ATRNL1: variants seen among roughly 807,000 people sequenced by gnomAD.
ATRNL1 encodes the protein attractin like 1, also known as attractin-like protein 1.
ATRNL1 carries 95 observed loss-of-function variants against 182.7 expected under a neutral mutation model. The ratio of observed to expected loss-of-function variants is 0.52; its 90% CI spans 0.44 to 0.62. ATRNL1 has a LOEUF of 0.62. Among genes scored for constraint, ATRNL1 ranks in the 20% least tolerant of loss-of-function variants. ATRNL1 has a pLI of 0.00. For synonymous variants in ATRNL1, 576 were observed against 568.3 expected (o/e 1.01, Z -0.19); for missense variants, 1,471 against 1,679.5 (o/e 0.88, Z 2.17).
rs1169884107 is a variant in ATRNL1 at position 115,230,870 on chromosome 10, T to TGAGAGAGAGAGA, written c.1533-10660_1533-10649dup. ...ACTAGGGGACTGGATATAGAGTGGA[T>TGAGAGAGAGAGA]GAGAGAGAGAGAGAGAGAGAGAGAG... On this transcript the variant is annotated intron_variant, in intron 9 of 28. Coordinates refer to ENST00000355044, the MANE Select transcript of ATRNL1 (RefSeq NM_207303.4). Among the ~76,000 whole-genome samples, 489 of 83,642 alleles carry TGAGAGAGAGAGA rather than the reference T, an allele frequency of 5.8e-3. 5 individuals carry two copies. Among genetic ancestry groups the TGAGAGAGAGAGA allele is most frequent in the Middle Eastern group, 7.9e-3 (1 of 126 alleles). The allele number at this position is 83,642 out of a possible 152,430, so 54.9% of individuals were successfully genotyped here.
At position 115,811,657 on chromosome 10, in the gene ATRNL1, C is replaced by T. The variant is rs916468392; in HGVS notation, c.3904-36220C>T. 5.3e-5 allele frequency among the ~76,000 whole-genome samples: 8 copies of T among 152,028 alleles called. No individual in the cohort carries two copies. In the East Asian group the frequency reaches 1.5e-3, roughly 29 times the overall value. On this transcript the variant is annotated intron_variant, in intron 27 of 28. Coordinates refer to ENST00000355044, the MANE Select transcript of ATRNL1 (RefSeq NM_207303.4). ...GCTCTGTTATCTTTAAGCACATACA[C>T]ATTCAGCTGTCTACTATTAGCTAGA...
At chr10:115,363,858 G>C (rs1856880300) in intron 19 of ATRNL1, among the ~76,000 whole-genome samples, 1 of 147,630 alleles carries the variant, frequency 6.8e-6, no homozygotes, top group African/African-American at 2.5e-5. Context: ...TGAGGGCTCT[G>C]TTCTGTTCCA....
intron 5 of ATRNL1, 29 bp from the exon 6 acceptor site, chr10:115,160,011 A>C (rs1277613652): frequency 2.6e-6 from 4 of 1,520,248 alleles, no homozygotes; most frequent in African/African-American, 2.8e-5. Flanking sequence ...TGTTTAATCT[A>C]GTGTGTTGTT....
chr10:115,440,491 T>C (rs1846617897), intron 21 of ATRNL1, among the ~76,000 whole-genome samples: 1 of 151,924 alleles, frequency 6.6e-6, no homozygotes, highest in South Asian at 2.1e-4. Context: ...TCCTTCTTGC[T>C]CACTAAGTAC....
At chr10:115,910,314 T>C (rs1359839089) in intron 28 of ATRNL1, among the ~76,000 whole-genome samples, 12 of 152,178 alleles carry the variant, frequency 7.9e-5, no homozygotes, top group Admixed American at 7.2e-4. Flanking sequence ...AAATGCTGTG[T>C]CAAGGGCACT....
At chr10:115,435,095 A>G (rs927933675) in intron 21 of ATRNL1, among the ~76,000 whole-genome samples, 7 of 149,888 alleles carry the variant, frequency 4.7e-5, no homozygotes, top group Non-Finnish European at 8.9e-5. Flanking sequence ...TGGTGGCCCA[A>G]TCTGCAAGCT....
intron 19 of ATRNL1, among the ~76,000 whole-genome samples, chr10:115,378,462 G>A (rs1456264834): frequency 6.6e-6 from 1 of 152,156 alleles, no homozygotes; most frequent in Non-Finnish European, 1.5e-5. Flanking sequence ...CCCTGACTAG[G>A]CAGAACTGTT....
At chr10:115,179,583 C>T (rs1166815234) in intron 8 of ATRNL1, among the ~76,000 whole-genome samples, 3 of 151,936 alleles carry the variant, frequency 2.0e-5, no homozygotes, top group Non-Finnish European at 4.4e-5. Context: ...TATTTATTTC[C>T]TGTCAGCACC....
intron 27 of ATRNL1, among the ~76,000 whole-genome samples, chr10:115,789,285 C>G (rs1949470322): frequency 6.6e-6 from 1 of 152,136 alleles, no homozygotes; most frequent in South Asian, 2.1e-4. Context: ...TTTTATCTGA[C>G]AGCAAGTCAA....
intron 27 of ATRNL1, among the ~76,000 whole-genome samples, chr10:115,764,466 T>C (rs1948808054): frequency 6.6e-6 from 1 of 152,078 alleles, no homozygotes; most frequent in South Asian, 2.1e-4. Flanking sequence ...TGCCTATGCG[T>C]CCCCACACCC....
At chr10:115,829,637 A>C (rs553477090) in intron 27 of ATRNL1, among the ~76,000 whole-genome samples, 1 of 152,100 alleles carries the variant, frequency 6.6e-6, no homozygotes, top group Non-Finnish European at 1.5e-5. Context: ...AAAAAGATAT[A>C]CCCTTTTCCA....
In ATRNL1 at chr10:115,114,815, G is replaced by GA. The variant is rs1314555227; in HGVS notation, c.294-5362dup. ...GAAAGTAAATTAGTACAGCCATTTTGAAAAAAAATATGGAGGTTCATCAAA... is the reference window on the plus strand; with the variant it reads ...GAAAGTAAATTAGTACAGCCATTTTGAAAAAAAAATATGGAGGTTCATCAAA... On this transcript the variant is annotated intron_variant, in intron 1 of 28. Transcript: ENST00000355044. Among the ~76,000 whole-genome samples, 5 of 151,370 alleles carry GA rather than the reference G, an allele frequency of 3.3e-5. No individual in the cohort carries two copies. In the East Asian group the frequency reaches 9.7e-4, roughly 29 times the overall value.
At chr10:115,342,692 T>G (rs11197172) in intron 19 of ATRNL1, among the ~76,000 whole-genome samples, 35,636 of 151,974 alleles carry the variant, frequency 0.23, 5,223 homozygotes, top group Non-Finnish European at 0.34. Context: ...GAGTTTTGTG[T>G]TTTCAGGTGA....
Position 115,947,904 on chromosome 10 carries a change from G to A in ATRNL1, c.*3125G>A, listed in dbSNP as rs1280071231. The A allele has an allele frequency of 1.3e-5, 2 of 152,214 alleles. No homozygotes were observed. Among genetic ancestry groups the A allele is most frequent in the Non-Finnish European group, 2.9e-5 (2 of 68,038 alleles). 9.4% of individuals were successfully genotyped at this position (152,214 alleles called of 1,614,324 possible). A position where few individuals can be genotyped will look rare whatever the true frequency, so the allele number is the denominator to read the frequency against. On this transcript the variant is annotated 3_prime_UTR_variant, in exon 29 of 29. Transcript: ENST00000355044. ...TGGTGCCCACCTTTCGAGGCATTGC[G>A]AGGCTAGATGGTAACACACAGAAAG...
intron 5 of ATRNL1, among the ~76,000 whole-genome samples, chr10:115,140,388 T>C (rs1845708412): frequency 6.6e-6 from 1 of 152,180 alleles, no homozygotes; most frequent in East Asian, 1.9e-4. Flanking sequence ...GTTACCATAA[T>C]TAACAAGGAA....
At chr10:115,448,854 C>CCAA (rs3981286) in intron 21 of ATRNL1, among the ~76,000 whole-genome samples, 16,990 of 150,144 alleles carry the variant, frequency 0.11, 1,281 homozygotes, top group African/African-American at 0.21. Flanking sequence ...AGCGTGCCAA[C>CCAA]CAACAACAAC....
At chr10:115,185,840 G>T (rs1847918473) in intron 8 of ATRNL1, among the ~76,000 whole-genome samples, 1 of 152,002 alleles carries the variant, frequency 6.6e-6, no homozygotes. Context: ...AAACTAAGGG[G>T]AATTGGACAC....
At chr10:115,389,068 C>G (rs1248293644) in intron 19 of ATRNL1, among the ~76,000 whole-genome samples, 1 of 152,138 alleles carries the variant, frequency 6.6e-6, no homozygotes, top group African/African-American at 2.4e-5. Flanking sequence ...TTCCATCGCT[C>G]CTAACCCTGG....
At chr10:115,406,887 A>G (rs887122717) in intron 20 of ATRNL1, among the ~76,000 whole-genome samples, 2 of 151,902 alleles carry the variant, frequency 1.3e-5, no homozygotes, top group African/African-American at 4.8e-5. Context: ...TCTTTTCCCT[A>G]TGGTTAGTGC....
Sources: allele counts gnomAD v4.1 joint callset (sites outside exome capture counted in the v4.1 genomes callset), GRCh38; gene constraint gnomAD v4.1.1; transcripts MANE v1.5; gene names NCBI Gene and HGNC (gene_info 2026-07-23, HGNC 2026-07-21).